Variants in CCT3 observed in about 807,000 individuals in gnomAD.
CCT3 encodes T-complex protein 1 subunit gamma.
A neutral mutation model predicts 65.3 loss-of-function variants in CCT3; 10 were observed. That is an observed-to-expected ratio of 0.15 (90% CI 0.09 to 0.26). The LOEUF (loss-of-function observed/expected upper bound fraction) is 0.26. Ranked by LOEUF, CCT3 falls within the 10% of genes least tolerant of loss-of-function variation. The pLI, the probability that CCT3 is intolerant of heterozygous loss-of-function variation, is 1.00. For missense variants in CCT3, 626 were observed against 708.7 expected (o/e 0.88, Z 1.33); for synonymous variants, 225 against 242.3 (o/e 0.93, Z 0.66).
chr1:156,336,011 A>G, intron 1 of CCT3, 123 bp from the exon 2 acceptor site: 1 of 665,612 alleles, frequency 1.5e-6, no homozygotes, highest in Non-Finnish European at 2.6e-6. Context: ...AGCAAAGCTT[A>G]TCAAACTCTA....
chr1:156,329,870 C>T (rs990780756), intron 5 of CCT3, among the ~76,000 whole-genome samples: 2 of 151,110 alleles, frequency 1.3e-5, no homozygotes, highest in Non-Finnish European at 2.9e-5. Context: ...ACCCGGGAGG[C>T]AGAGGCTGCA....
chr1:156,329,656 T>C (rs868466344), intron 5 of CCT3, among the ~76,000 whole-genome samples: 85 of 149,998 alleles, frequency 5.7e-4, no homozygotes, highest in African/African-American at 1.4e-3. Flanking sequence ...GATGGCTGAG[T>C]GGCTGGGCAT....
At chr1:156,328,430 GAA>G (rs1302738670) in intron 5 of CCT3, among the ~76,000 whole-genome samples, 6 of 152,250 alleles carry the variant, frequency 3.9e-5, no homozygotes, top group Admixed American at 3.3e-4. Flanking sequence ...GAAAGGTGGG[GAA>G]AAGATTGAGA....
intron 5 of CCT3, among the ~76,000 whole-genome samples, chr1:156,327,565 T>A (rs573399260): frequency 2.6e-5 from 4 of 152,228 alleles, no homozygotes; most frequent in African/African-American, 9.6e-5. Flanking sequence ...GGTGCCGGGA[T>A]TGCAGACGGA....
intron 8 of CCT3, 46 bp from the exon 9 acceptor site, chr1:156,317,593 T>G: frequency 1.3e-6 from 2 of 1,580,094 alleles, no homozygotes; most frequent in Non-Finnish European, 1.7e-6. Context: ...CCTGGACTGG[T>G]GAAGCTCTAA....
At chr1:156,328,976 C>A (rs1435239427) in intron 5 of CCT3, among the ~76,000 whole-genome samples, 1 of 152,002 alleles carries the variant, frequency 6.6e-6, no homozygotes, top group Non-Finnish European at 1.5e-5. Context: ...GAAAAATAAT[C>A]AAAAAATACA....
At chr1:156,316,458 C>T (rs1664316239) in intron 10 of CCT3, among the ~76,000 whole-genome samples, 1 of 152,142 alleles carries the variant, frequency 6.6e-6, no homozygotes, top group South Asian at 2.1e-4. Flanking sequence ...GTGAAGTCAA[C>T]TATGTGTATG....
At chr1:156,331,322 C>T (rs143185728) in intron 5 of CCT3, among the ~76,000 whole-genome samples, 124 of 143,812 alleles carry the variant, frequency 8.6e-4, no homozygotes, top group African/African-American at 2.8e-3. Context: ...CCCATCTCTA[C>T]GAAAAATAAA....
intron 12 of CCT3, 102 bp downstream of exon 12, chr1:156,310,848 T>C (rs898187656): frequency 1.0e-5 from 15 of 1,488,076 alleles, no homozygotes; most frequent in African/African-American, 1.4e-5. Context: ...TTTCAAGGAA[T>C]AGACTATAAA....
chr1:156,322,502 A>G (rs1664599061), intron 6 of CCT3, among the ~76,000 whole-genome samples: 1 of 152,098 alleles, frequency 6.6e-6, no homozygotes, highest in Non-Finnish European at 1.5e-5. Flanking sequence ...CGCCACCCCA[A>G]AAAAATTTTT....
intron 2 of CCT3, chr1:156,335,472 C>A: frequency 4.4e-6 from 1 of 229,462 alleles, no homozygotes; most frequent in Non-Finnish European, 8.4e-6. Context: ...AAGACATTTA[C>A]CGAATATCTA....
In CCT3 at chr1:156,334,780, G is replaced by T. The variant is rs371968644; in HGVS notation, c.145-5C>A. 6.2e-7 allele frequency: 1 copy of T among 1,614,056 alleles called. No individual in the cohort carries two copies. ...TCCCATTGGGTCCAAAAGCATCTAA[G>T]ATGAAAGCAAAAGTTATATTTAAAG... On this transcript the variant is annotated splice_polypyrimidine_tract_variant and splice_region_variant and intron_variant, in intron 3 of 13. Transcript: ENST00000295688.
At chr1:156,334,819 A>C (rs1199082578) in intron 3 of CCT3, 44 bp from the exon 4 acceptor site, 7 of 1,613,762 alleles carry the variant, frequency 4.3e-6, no homozygotes, top group Non-Finnish European at 5.9e-6. Context: ...CCTAGATAAC[A>C]GGAAGAAAAA....
chr1:156,328,855 A>C (rs1193980446), intron 5 of CCT3, among the ~76,000 whole-genome samples: 1 of 137,206 alleles, frequency 7.3e-6, no homozygotes, highest in African/African-American at 2.7e-5. Context: ...ATGATCAATA[A>C]AAATAAAAAT....
At chr1:156,312,614 T>C (rs1664131000) in intron 10 of CCT3, among the ~76,000 whole-genome samples, 1 of 151,562 alleles carries the variant, frequency 6.6e-6, no homozygotes, top group Non-Finnish European at 1.5e-5. Flanking sequence ...GCTGTGACCA[T>C]GCCACTGCAC....
chr1:156,317,269 T>A, intron 9 of CCT3, 22 bp from the exon 10 acceptor site: 1 of 1,612,290 alleles, frequency 6.2e-7, no homozygotes, highest in Non-Finnish European at 8.5e-7. Context: ...AGAGTAGAGA[T>A]GTCAAGCTGG....
chr1:156,336,214 C>G lies in CCT3; in HGVS notation c.32-326G>C, dbSNP rs183639083. Among the ~76,000 whole-genome samples, 136 of 152,074 alleles carry G rather than the reference C, an allele frequency of 8.9e-4. 3 individuals are homozygous for G. Among genetic ancestry groups the G allele is most frequent in the Admixed American group, 7.5e-3 (115 of 15,282 alleles). ...ACAGCAGGGATTCATAACCTGAGAT[C>G]TATGAATGGGCCTTAGTGGGATAGC... On this transcript the variant is annotated intron_variant, in intron 1 of 13. Transcript: ENST00000295688.
At chr1:156,326,649 CAAAAAAA>C (rs760908966) in intron 5 of CCT3, among the ~76,000 whole-genome samples, 1 of 65,712 alleles carries the variant, frequency 1.5e-5, no homozygotes. Context: ...GACTCCATCT[CAAAAAAA>C]AAAAAAAAAA....
chr1:156,317,291 G>A, intron 9 of CCT3, 44 bp from the exon 10 acceptor site: 1 of 1,606,298 alleles, frequency 6.2e-7, no homozygotes, highest in Non-Finnish European at 8.5e-7. Context: ...TTCTGAACTG[G>A]TTTTATAATC....
Sources: allele counts gnomAD v4.1 joint callset (sites outside exome capture counted in the v4.1 genomes callset), GRCh38; gene constraint gnomAD v4.1.1; transcripts MANE v1.5; gene names NCBI Gene and HGNC (gene_info 2026-07-23, HGNC 2026-07-21).